SCG5: variants seen among roughly 807,000 people sequenced by gnomAD.
SCG5 encodes the protein neuroendocrine protein 7B2.
A neutral mutation model predicts 25.7 loss-of-function variants in SCG5; 18 were observed. That is an observed-to-expected ratio of 0.70 (90% confidence interval 0.48 to 1.04). The LOEUF is 1.04. Among genes scored for constraint, SCG5 ranks in the 50% least tolerant of loss-of-function variants. The pLI is 0.00. For synonymous variants in SCG5, 101 were observed against 91.7 expected, an observed-to-expected ratio of 1.10 and a Z score of -0.58; for missense variants, 206 against 259.8, an observed-to-expected ratio of 0.79 and a Z score of 1.42.
At chr15:32,645,914 G>A (rs577242083) in intron 2 of SCG5, among the ~76,000 whole-genome samples, 4 of 152,116 alleles carry the variant, frequency 2.6e-5, no homozygotes, top group African/African-American at 7.2e-5. Context: ...TCTGCCTCCC[G>A]GGTTCACACC....
At chr15:32,687,426 T>C (rs1392950182) in intron 4 of SCG5, among the ~76,000 whole-genome samples, 2 of 152,258 alleles carry the variant, frequency 1.3e-5, no homozygotes, top group Non-Finnish European at 2.9e-5. Context: ...TCTGCAATTA[T>C]GTGTTTACTT....
intron 2 of SCG5, among the ~76,000 whole-genome samples, chr15:32,661,691 C>T (rs950408187): frequency 6.6e-6 from 1 of 152,124 alleles, no homozygotes; most frequent in Non-Finnish European, 1.5e-5. Flanking sequence ...AAATCAGACC[C>T]GCTGTGGAGA....
intron 2 of SCG5, among the ~76,000 whole-genome samples, chr15:32,675,129 A>G (rs1016417903): frequency 1.3e-5 from 2 of 152,134 alleles, no homozygotes; most frequent in Admixed American, 6.5e-5. Flanking sequence ...AGAATTAAAT[A>G]TTTTCCATTT....
chr15:32,681,825 G>C (rs1196399751), intron 3 of SCG5, among the ~76,000 whole-genome samples: 1 of 152,084 alleles, frequency 6.6e-6, no homozygotes, highest in Non-Finnish European at 1.5e-5. Context: ...CTCTGAAAGA[G>C]ACTGTCTTAG....
At chr15:32,661,067 A>G (rs910302998) in intron 2 of SCG5, among the ~76,000 whole-genome samples, 3 of 152,216 alleles carry the variant, frequency 2.0e-5, no homozygotes, top group African/African-American at 4.8e-5. Context: ...CTATGTGCCA[A>G]ACACTTTATG....
chr15:32,690,449 C>A (rs2054830085), intron 4 of SCG5, among the ~76,000 whole-genome samples: 1 of 152,226 alleles, frequency 6.6e-6, no homozygotes, highest in African/African-American at 2.4e-5. Context: ...ACAGCAATAT[C>A]CTCATTCCTC....
Position 32,663,065 on chromosome 15 carries a change from ATATATATATATAT to A in SCG5, c.227-16700_227-16688del, listed in dbSNP as rs1567076463. Among the ~76,000 whole-genome samples, 486 of 50,192 alleles carry A rather than the reference ATATATATATATAT, an allele frequency of 9.7e-3. 4 individuals carry two copies. Among genetic ancestry groups the A allele is most frequent in the Non-Finnish European group, 0.015 (345 of 22,510 alleles). The allele number at this position is 50,192 out of a possible 152,430, so 32.9% of individuals were successfully genotyped here. ...TATATATATATATATATATATATAT[ATATATATATATAT>A]AATATATAATATGTTATATATACAC... On this transcript the variant is annotated intron_variant, in intron 2 of 5. Transcript: ENST00000300175.
intron 2 of SCG5, among the ~76,000 whole-genome samples, chr15:32,655,739 C>T (rs908960460): frequency 4.6e-5 from 7 of 152,164 alleles, no homozygotes; most frequent in Admixed American, 1.3e-4. Context: ...GCTCATTTGC[C>T]CTTTCCACCG....
At chr15:32,670,676 G>A (rs2054405322) in intron 2 of SCG5, among the ~76,000 whole-genome samples, 1 of 152,184 alleles carries the variant, frequency 6.6e-6, no homozygotes, top group Non-Finnish European at 1.5e-5. Context: ...CTTCCACCAG[G>A]CACAAACATC....
intron 5 of SCG5, among the ~76,000 whole-genome samples, chr15:32,694,141 C>T (rs902919763): frequency 3.9e-5 from 6 of 152,016 alleles, no homozygotes; most frequent in Admixed American, 3.9e-4. Context: ...AAAACAAACC[C>T]AAAGCTCATT....
At chr15:32,678,305 G>T (rs1213116244) in intron 2 of SCG5, among the ~76,000 whole-genome samples, 1 of 152,058 alleles carries the variant, frequency 6.6e-6, no homozygotes, top group Non-Finnish European at 1.5e-5. Flanking sequence ...CAGAAAATGC[G>T]ACAGCCAAAG....
At chr15:32,656,607 C>T (rs1035196823) in intron 2 of SCG5, among the ~76,000 whole-genome samples, 2 of 152,198 alleles carry the variant, frequency 1.3e-5, no homozygotes, top group Admixed American at 1.3e-4. Flanking sequence ...TAGACTAGTA[C>T]AATCCTGTGA....
At chr15:32,679,025 C>T (rs1287129507) in intron 2 of SCG5, among the ~76,000 whole-genome samples, 1 of 152,174 alleles carries the variant, frequency 6.6e-6, no homozygotes, top group Non-Finnish European at 1.5e-5. Context: ...TGCTTTCAGC[C>T]TGTATTTCTG....
chr15:32,660,439 G>A (rs1034460292), intron 2 of SCG5, among the ~76,000 whole-genome samples: 9 of 152,232 alleles, frequency 5.9e-5, no homozygotes, highest in Admixed American at 5.2e-4. Context: ...AGGAGACTGT[G>A]TGAATGACCA....
chr15:32,693,511 A>G (rs1038467915), intron 5 of SCG5, among the ~76,000 whole-genome samples: 2 of 152,212 alleles, frequency 1.3e-5, no homozygotes, highest in Non-Finnish European at 2.9e-5. Context: ...GGCCCTGCCC[A>G]TCATGAGGTC....
chr15:32,646,644 A>T (rs1386296072), intron 2 of SCG5, among the ~76,000 whole-genome samples: 1 of 152,226 alleles, frequency 6.6e-6, no homozygotes, highest in Non-Finnish European at 1.5e-5. Context: ...TATAGCTAGG[A>T]TGAAAACTAA....
In SCG5 at chr15:32,691,939, C is replaced by T. The variant is rs184006107; in HGVS notation, c.543+176C>T. ...CCAGAAAGTCTGTCCTTGGTTTCTG[C>T]GATGGCTTCCCCAGGCTTTAGCAGA... On this transcript the variant is annotated intron_variant, in intron 5 of 5. Transcript: ENST00000300175. 203 of 1,447,970 alleles carry T rather than the reference C, an allele frequency of 1.4e-4. 1 individual carries two copies. In the East Asian group the frequency reaches 4.1e-3, roughly 29 times the overall value. The allele number at this position is 1,447,970 out of a possible 1,614,324, so 89.7% of individuals were successfully genotyped here.
intron 2 of SCG5, among the ~76,000 whole-genome samples, chr15:32,663,496 G>T (rs2054272165): frequency 6.6e-6 from 1 of 152,158 alleles, no homozygotes; most frequent in Admixed American, 6.6e-5. Flanking sequence ...AGGCATCAGG[G>T]TATCCAGATA....
chr15:32,649,517 G>T (rs920297061), intron 2 of SCG5, among the ~76,000 whole-genome samples: 3 of 152,160 alleles, frequency 2.0e-5, no homozygotes, highest in Non-Finnish European at 2.9e-5. Context: ...GCAGTCCTGG[G>T]ACTAAACCAG....
Sources: allele counts gnomAD v4.1 joint callset (sites outside exome capture counted in the v4.1 genomes callset), GRCh38; gene constraint gnomAD v4.1.1; transcripts MANE v1.5; gene names NCBI Gene and HGNC (gene_info 2026-07-23, HGNC 2026-07-21).